Variants in LIPC observed in about 807,000 individuals in gnomAD.
The protein encoded by LIPC is hepatic triacylglycerol lipase.
LIPC carries 44 observed loss-of-function variants against 50.7 expected under a neutral mutation model. The observed-to-expected ratio is 0.87, with a 90% confidence interval of 0.68 to 1.11. The LOEUF is 1.11. Ranked by LOEUF, LIPC falls within the 50% of genes most tolerant of loss-of-function variation. The probability of loss-of-function intolerance (pLI) is 0.00; values close to 1 mark genes in which losing one functional copy is unlikely to be tolerated. For missense variants in LIPC, 697 were observed against 648.2 expected (o/e 1.08, Z -0.82); for synonymous variants, 271 against 256.4 (o/e 1.06, Z -0.54).
At chr15:58,505,258 C>T (rs1472309517) in intron 1 of LIPC, among the ~76,000 whole-genome samples, 1 of 152,246 alleles carries the variant, frequency 6.6e-6, no homozygotes, top group African/African-American at 2.4e-5. Flanking sequence ...CAACTCCAGC[C>T]TCTGCTACAT....
At position 58,568,870 on chromosome 15, in the gene LIPC, C is replaced by T; in HGVS notation, c.*43C>T. ...GTGTAAAGAATAAATGAATCTTACT[C>T]CTTATCTGGAATGGCTGCCTTATTT... is the stretch of plus-strand genomic sequence containing the variant. On this transcript the variant is annotated 3_prime_UTR_variant, in exon 9 of 9. Transcript: ENST00000299022. 1 of 1,159,286 alleles carries T rather than the reference C, an allele frequency of 8.6e-7. No individual in the cohort carries two copies. Among genetic ancestry groups the T allele is most frequent in the Non-Finnish European group, 1.3e-6 (1 of 796,468 alleles). The allele number at this position is 1,159,286 out of a possible 1,614,324, so 71.8% of individuals were successfully genotyped here. A position where few individuals can be genotyped will look rare whatever the true frequency, so the allele number is the denominator to read the frequency against.
chr15:58,490,485 C>A (rs1346545184), intron 1 of LIPC, among the ~76,000 whole-genome samples: 2 of 152,168 alleles, frequency 1.3e-5, no homozygotes, highest in Admixed American at 6.5e-5. Flanking sequence ...CCACTGAGAG[C>A]CGGCGCCGTT....
intron 1 of LIPC, among the ~76,000 whole-genome samples, chr15:58,441,793 A>G (rs1002125518): frequency 1.3e-5 from 2 of 152,238 alleles, no homozygotes; most frequent in Non-Finnish European, 2.9e-5. Context: ...AGATGAAAAC[A>G]GGGCTGAGCT....
In LIPC at chr15:58,494,982, T is replaced by G. The variant is rs1447863359; in HGVS notation, c.89-43351T>G. 6 of 423,284 alleles carry G rather than the reference T, an allele frequency of 1.4e-5. No individual in the cohort carries two copies. The Admixed American group carries it at 1.5e-4, about 11-fold the overall frequency. 26.2% of individuals were successfully genotyped at this position (423,284 alleles called of 1,614,324 possible). On this transcript the variant is annotated intron_variant, in intron 1 of 8. Coordinates refer to ENST00000299022, the MANE Select transcript of LIPC (RefSeq NM_000236.3). ...CAGCCCTCATGTCATTGATCCAACA[T>G]CAACCGTTCCACCGGTCCTTCCCTC...
At chr15:58,565,266 G>A (rs1459201398) in intron 8 of LIPC, 2 of 1,535,686 alleles carry the variant, frequency 1.3e-6, no homozygotes, top group Non-Finnish European at 8.7e-7. Flanking sequence ...TGGCCCATTG[G>A]AGCAGCGCTG....
At chr15:58,563,110 A>G (rs1894222323) in intron 7 of LIPC, among the ~76,000 whole-genome samples, 2 of 152,082 alleles carry the variant, frequency 1.3e-5, no homozygotes, top group African/African-American at 4.8e-5. Context: ...ATTACTTGGG[A>G]GAGAGTGCAT....
rs192572649 is a variant in LIPC, at chr15:58,560,974, A to G, written c.1162A>G (p.Ile388Val). 1.3e-5 allele frequency: 19 copies of G among 1,493,756 alleles called. No individual in the cohort carries two copies. The Admixed American group carries it at 3.0e-4, about 24-fold the overall frequency. 92.5% of individuals were successfully genotyped at this position (1,493,756 alleles called of 1,614,324 possible). A position where few individuals can be genotyped will look rare whatever the true frequency, so the allele number is the denominator to read the frequency against. The part of the protein sequence containing the change: ...GTKEKMQKIP[I>V]TLGKGIASNK... Reference sequence around the variant, plus strand: ...AAAAGAGAAAATGCAGAAAATTCCCATCACTCTGTGAGTAGGAGGTGTAGC... The same window carrying G: ...AAAAGAGAAAATGCAGAAAATTCCCGTCACTCTGTGAGTAGGAGGTGTAGC... The change falls in exon 7 of 9, where the codon ATC (isoleucine) becomes GTC (valine). Residue 388 changes from isoleucine (I) to valine (V), a missense_variant. Transcript: ENST00000299022.
intron 1 of LIPC, among the ~76,000 whole-genome samples, chr15:58,535,390 G>A (rs533410943): frequency 2.0e-5 from 3 of 152,138 alleles, no homozygotes; most frequent in Non-Finnish European, 2.9e-5. Flanking sequence ...CAGCTTCCTC[G>A]CTCATACACA....
intron 1 of LIPC, among the ~76,000 whole-genome samples, chr15:58,492,352 TTATTG>T (rs1417561276): frequency 6.6e-6 from 1 of 152,224 alleles, no homozygotes; most frequent in African/African-American, 2.4e-5. Context: ...TTAATTGATA[TTATTG>T]TAATGTTACT....
intron 1 of LIPC, among the ~76,000 whole-genome samples, chr15:58,533,444 T>A (rs1893015539): frequency 6.6e-6 from 1 of 152,248 alleles, no homozygotes; most frequent in South Asian, 2.1e-4. Context: ...CGTAAGGAAC[T>A]GATTCTACTT....
At chr15:58,557,697 T>G (rs1894006279) in intron 6 of LIPC, among the ~76,000 whole-genome samples, 1 of 152,140 alleles carries the variant, frequency 6.6e-6, no homozygotes, top group African/African-American at 2.4e-5. Context: ...ATTATATGCT[T>G]TTAATTGCAT....
At chr15:58,511,004 G>C (rs764302272) in intron 1 of LIPC, among the ~76,000 whole-genome samples, 5 of 152,178 alleles carry the variant, frequency 3.3e-5, no homozygotes, top group African/African-American at 7.2e-5. Flanking sequence ...CACCTGGAAG[G>C]CCTTATTATT....
intron 1 of LIPC, among the ~76,000 whole-genome samples, chr15:58,517,789 A>C (rs1186828259): frequency 1.3e-5 from 2 of 152,250 alleles, no homozygotes; most frequent in Non-Finnish European, 2.9e-5. Context: ...CATTTCAAAG[A>C]GATTCCACTG....
chr15:58,541,450 C>T (rs1383766329), intron 2 of LIPC, among the ~76,000 whole-genome samples: 1 of 151,342 alleles, frequency 6.6e-6, no homozygotes, highest in Non-Finnish European at 1.5e-5. Flanking sequence ...TTTAGAAAGT[C>T]CCTAAGAGGA....
chr15:58,504,624 T>C (rs1189043523), intron 1 of LIPC, among the ~76,000 whole-genome samples: 1 of 152,224 alleles, frequency 6.6e-6, no homozygotes, highest in Non-Finnish European at 1.5e-5. Context: ...ATTTTGTAGC[T>C]TTTTGGTTAA....
intron 1 of LIPC, among the ~76,000 whole-genome samples, chr15:58,486,645 T>G (rs1389966724): frequency 1.3e-5 from 2 of 151,964 alleles, no homozygotes; most frequent in African/African-American, 4.8e-5. Context: ...ACCCAGCAAT[T>G]AGAGAGGGGA....
intron 1 of LIPC, among the ~76,000 whole-genome samples, chr15:58,484,980 A>C (rs1184246144): frequency 6.6e-6 from 1 of 152,212 alleles, no homozygotes. Context: ...GGTGGAAAAG[A>C]AGGAAGAAAA....
chr15:58,485,388 G>A (rs917138190), intron 1 of LIPC, among the ~76,000 whole-genome samples: 4 of 152,140 alleles, frequency 2.6e-5, no homozygotes, highest in Non-Finnish European at 4.4e-5. Flanking sequence ...TCACAGGGTC[G>A]GGAAGCACTT....
intron 1 of LIPC, among the ~76,000 whole-genome samples, chr15:58,535,035 T>C (rs1893069104): frequency 6.6e-6 from 1 of 152,238 alleles, no homozygotes; most frequent in Admixed American, 6.5e-5. Context: ...CTTATTTTTA[T>C]AGGCACCAGA....
Sources: gnomAD v4.1 joint callset for allele counts (sites outside exome capture counted in the v4.1 genomes callset) on GRCh38, gnomAD v4.1.1 for gene constraint, MANE v1.5 for transcripts, NCBI Gene and HGNC (gene_info 2026-07-23, HGNC 2026-07-21) for gene names.